Variants in IMMP1L observed in about 807,000 individuals in gnomAD.
IMMP1L encodes the protein inner mitochondrial membrane peptidase subunit 1, also known as mitochondrial inner membrane protease subunit 1.
IMMP1L carries 24 observed loss-of-function variants against 21.8 expected under a neutral mutation model. The observed-to-expected ratio is 1.10, with a 90% confidence interval of 0.80 to 1.55. IMMP1L has a LOEUF of 1.55. Ranked by LOEUF, IMMP1L falls within the 40% of genes most tolerant of loss-of-function variation. The pLI, the probability that IMMP1L is intolerant of heterozygous loss-of-function variation, is 0.00. For missense variants in IMMP1L, 195 were observed against 200.7 expected, an observed-to-expected ratio of 0.97 and a Z score of 0.17; for synonymous variants, 46 against 62.8, an observed-to-expected ratio of 0.73 and a Z score of 1.26.
intron 3 of IMMP1L, among the ~76,000 whole-genome samples, chr11:31,458,939 G>A (rs1954043513): frequency 6.6e-6 from 1 of 152,152 alleles, no homozygotes; most frequent in Non-Finnish European, 1.5e-5. Flanking sequence ...CATTCAGGAT[G>A]CCCAAGGATT....
At position 31,494,317 on chromosome 11, in the gene IMMP1L, G is replaced by A. The variant is rs543091655; in HGVS notation, c.-30+15202C>T. 4.8e-4 allele frequency among the ~76,000 whole-genome samples: 73 copies of A among 152,344 alleles called. 3 individuals carry two copies. In the South Asian group the frequency reaches 0.015, roughly 31 times the overall value. Reference sequence around the variant, plus strand: ...CACATGGAAGTCACCAAGGCTTGGGGCTTGCACCCTCTGAAGCAATGGCCC... The same window carrying A: ...CACATGGAAGTCACCAAGGCTTGGGACTTGCACCCTCTGAAGCAATGGCCC... On this transcript the variant is annotated intron_variant, in intron 1 of 5. Transcript: ENST00000532287.
intron 4 of IMMP1L, chr11:31,452,150 AT>A: frequency 1.2e-6 from 1 of 835,012 alleles, no homozygotes. Context: ...TGGAGTAACT[AT>A]ACACAACTCT....
In IMMP1L at chr11:31,503,815, G is replaced by C. The variant is rs369423921; in HGVS notation, c.-30+5704C>G. On this transcript the variant is annotated intron_variant, in intron 1 of 5. Transcript: ENST00000532287. The stretch of plus-strand genomic sequence containing the variant: ...TTTCCCATTTTTACTGATTTAACTT[G>C]AGGTCCCCACAGTACAGTGTGGCTC... Among the ~76,000 whole-genome samples, 4 of 152,312 alleles carry C rather than the reference G, an allele frequency of 2.6e-5. No individual in the cohort carries two copies. The East Asian group carries it at 7.7e-4, about 29-fold the overall frequency.
intron 1 of IMMP1L, among the ~76,000 whole-genome samples, chr11:31,496,411 T>C (rs564214597): frequency 6.6e-6 from 1 of 152,320 alleles, no homozygotes; most frequent in African/African-American, 2.4e-5. Flanking sequence ...GGAAAACAGT[T>C]TGGTGATACC....
At chr11:31,475,688 A>G (rs1458277670) in intron 1 of IMMP1L, among the ~76,000 whole-genome samples, 3 of 152,188 alleles carry the variant, frequency 2.0e-5, no homozygotes, top group South Asian at 2.1e-4. Flanking sequence ...TATCTAGCTT[A>G]AGATAAGCCA....
intron 1 of IMMP1L, among the ~76,000 whole-genome samples, chr11:31,508,811 A>G (rs1357422582): frequency 1.3e-5 from 2 of 151,686 alleles, no homozygotes; most frequent in Admixed American, 6.6e-5. Flanking sequence ...CTCAGTTTTG[A>G]AAAAAAAATT....
chr11:31,500,987 C>T (rs1455529007), intron 1 of IMMP1L, among the ~76,000 whole-genome samples: 1 of 152,156 alleles, frequency 6.6e-6, no homozygotes, highest in Non-Finnish European at 1.5e-5. Flanking sequence ...TAGCCACATG[C>T]AGCTGTTTAA....
intron 1 of IMMP1L, among the ~76,000 whole-genome samples, chr11:31,503,025 C>A (rs761331734): frequency 1.3e-5 from 2 of 152,052 alleles, no homozygotes; most frequent in Non-Finnish European, 2.9e-5. Flanking sequence ...AATTTAAATA[C>A]CCCAGTTTTC....
intron 3 of IMMP1L, among the ~76,000 whole-genome samples, chr11:31,458,184 T>C (rs1469370245): frequency 6.6e-6 from 1 of 152,158 alleles, no homozygotes; most frequent in Non-Finnish European, 1.5e-5. Context: ...ATAAATAAAC[T>C]TTATTTCTGG....
intron 4 of IMMP1L, among the ~76,000 whole-genome samples, chr11:31,449,914 C>G (rs901660222): frequency 2.6e-5 from 4 of 152,150 alleles, no homozygotes; most frequent in Admixed American, 2.6e-4. Flanking sequence ...CAAAAGACTG[C>G]TATCCACTAA....
intron 4 of IMMP1L, among the ~76,000 whole-genome samples, chr11:31,436,732 A>G (rs1196420103): frequency 6.6e-6 from 1 of 152,096 alleles, no homozygotes; most frequent in Admixed American, 6.6e-5. Context: ...GCGCCCAACC[A>G]TCGCTGGAGT....
At chr11:31,443,416 A>G (rs182149363) in intron 4 of IMMP1L, among the ~76,000 whole-genome samples, 16 of 152,322 alleles carry the variant, frequency 1.1e-4, no homozygotes, top group Admixed American at 6.5e-5. Context: ...AAAGGTGAGA[A>G]AACATTAATT....
intron 1 of IMMP1L, among the ~76,000 whole-genome samples, chr11:31,498,242 C>T (rs1955514093): frequency 6.6e-6 from 1 of 152,104 alleles, no homozygotes; most frequent in Admixed American, 6.5e-5. Flanking sequence ...TTGAACCTTT[C>T]ACTTTGGGAA....
chr11:31,493,350 C>T (rs1175616645), intron 1 of IMMP1L, among the ~76,000 whole-genome samples: 1 of 152,088 alleles, frequency 6.6e-6, no homozygotes, highest in Admixed American at 6.5e-5. Flanking sequence ...GGGAAAGCCC[C>T]TTATGAAACC....
intron 3 of IMMP1L, among the ~76,000 whole-genome samples, chr11:31,456,950 A>AAAAAAAG (rs1554942299): frequency 7.3e-6 from 1 of 136,580 alleles, no homozygotes; most frequent in Non-Finnish European, 1.5e-5. Flanking sequence ...AAGTGAACCA[A>AAAAAAAG]AAAAAGAAAA....
At chr11:31,475,796 A>C (rs914952575) in intron 1 of IMMP1L, among the ~76,000 whole-genome samples, 1 of 152,178 alleles carries the variant, frequency 6.6e-6, no homozygotes. Flanking sequence ...TTTTATGTTG[A>C]ATTTACTTCA....
chr11:31,498,411 C>G (rs1459690989), intron 1 of IMMP1L, among the ~76,000 whole-genome samples: 1 of 152,096 alleles, frequency 6.6e-6, no homozygotes, highest in African/African-American at 2.4e-5. Context: ...CCTGGAGAAA[C>G]AAAGAGGTCT....
intron 5 of IMMP1L, among the ~76,000 whole-genome samples, chr11:31,432,867 AAG>A (rs1341664709): frequency 6.6e-6 from 1 of 152,214 alleles, no homozygotes; most frequent in African/African-American, 2.4e-5. Context: ...ACTTGCAAGT[AAG>A]AGTTAACTGT....
intron 1 of IMMP1L, among the ~76,000 whole-genome samples, chr11:31,478,134 T>C (rs1279375989): frequency 1.3e-5 from 2 of 152,184 alleles, no homozygotes; most frequent in Admixed American, 6.5e-5. Context: ...CATAATAAGA[T>C]TACACAGCAA....
Sources: gnomAD v4.1 joint callset for allele counts (sites outside exome capture counted in the v4.1 genomes callset) on GRCh38, gnomAD v4.1.1 for gene constraint, MANE v1.5 for transcripts, NCBI Gene and HGNC (gene_info 2026-07-23, HGNC 2026-07-21) for gene names.